Variants in B3GALT1 observed in about 807,000 individuals in gnomAD.
B3GALT1 encodes UDP-Gal:betaGlcNAc beta 1,3-galactosyltransferase, polypeptide 1.
B3GALT1 carries 10 observed loss-of-function variants against 23.2 expected under a neutral mutation model. The ratio of observed to expected loss-of-function variants is 0.43; its 90% CI spans 0.27 to 0.73. The LOEUF (loss-of-function observed/expected upper bound fraction) is 0.73. Among genes scored for constraint, B3GALT1 ranks in the 30% least tolerant of loss-of-function variants. B3GALT1 has a pLI of 0.21. For synonymous variants in B3GALT1, 156 were observed against 141.5 expected (o/e 1.10, Z -0.73); for missense variants, 299 against 405.4 (o/e 0.74, Z 2.25).
chr2:167,844,104 A>G (rs1382378483), intron 4 of B3GALT1, among the ~76,000 whole-genome samples: 1 of 152,230 alleles, frequency 6.6e-6, no homozygotes, highest in Non-Finnish European at 1.5e-5. Flanking sequence ...TTGAAAATGA[A>G]TGGCACAAGA....
intron 1 of B3GALT1, among the ~76,000 whole-genome samples, chr2:167,343,736 T>C (rs549162641): frequency 2.6e-5 from 4 of 152,280 alleles, no homozygotes; most frequent in South Asian, 2.1e-4. Flanking sequence ...AAAAAAGATA[T>C]AGATTATGAG....
chr2:167,849,741 T>C (rs986558879), intron 4 of B3GALT1, among the ~76,000 whole-genome samples: 1 of 151,548 alleles, frequency 6.6e-6, no homozygotes, highest in Non-Finnish European at 1.5e-5. Flanking sequence ...ACAAAAAAAA[T>C]TAGCCAGGTG....
intron 4 of B3GALT1, among the ~76,000 whole-genome samples, chr2:167,835,751 T>A (rs1346932707): frequency 1.3e-5 from 2 of 152,298 alleles, no homozygotes; most frequent in African/African-American, 4.8e-5. Flanking sequence ...CCCTGACCCC[T>A]GAGCAGCCTA....
intron 2 of B3GALT1, among the ~76,000 whole-genome samples, chr2:167,626,013 A>G (rs1390101092): frequency 1.4e-5 from 2 of 146,080 alleles, no homozygotes; most frequent in African/African-American, 5.1e-5. Flanking sequence ...ATATTTGCTG[A>G]AAACTCCAAA....
chr2:167,437,664 G>C (rs998692733), intron 1 of B3GALT1, among the ~76,000 whole-genome samples: 1 of 152,138 alleles, frequency 6.6e-6, no homozygotes, highest in Non-Finnish European at 1.5e-5. Flanking sequence ...TGTTCAAACA[G>C]CTTATGGCTT....
chr2:167,738,547 G>A (rs562695045), intron 3 of B3GALT1, among the ~76,000 whole-genome samples: 5 of 152,230 alleles, frequency 3.3e-5, no homozygotes, highest in Admixed American at 6.5e-5. Flanking sequence ...CACCACAATG[G>A]AGTTCTTATG....
chr2:167,617,117 A>G (rs571878930), intron 2 of B3GALT1, among the ~76,000 whole-genome samples: 11 of 152,194 alleles, frequency 7.2e-5, no homozygotes, highest in African/African-American at 2.6e-4. Flanking sequence ...TTGTTTTCCT[A>G]TGTCCCACCC....
intron 1 of B3GALT1, among the ~76,000 whole-genome samples, chr2:167,427,331 T>G (rs1698638110): frequency 6.6e-6 from 1 of 152,152 alleles, no homozygotes; most frequent in Non-Finnish European, 1.5e-5. Context: ...GATTTAGCTT[T>G]TTTGTGTGTG....
intron 2 of B3GALT1, among the ~76,000 whole-genome samples, chr2:167,563,409 G>T (rs1267179033): frequency 7.5e-6 from 1 of 133,244 alleles, no homozygotes; most frequent in East Asian, 2.5e-4. Context: ...CGGGCGGGGG[G>T]CTGACCCCTC....
chr2:167,811,495 G>A (rs1688888013), intron 3 of B3GALT1, among the ~76,000 whole-genome samples: 3 of 152,190 alleles, frequency 2.0e-5, no homozygotes, highest in Admixed American at 6.5e-5. Flanking sequence ...CCTATGGTGA[G>A]AAAAGAACTT....
intron 1 of B3GALT1, among the ~76,000 whole-genome samples, chr2:167,340,504 G>A (rs1697130986): frequency 6.6e-6 from 1 of 152,018 alleles, no homozygotes; most frequent in South Asian, 2.1e-4. Context: ...TTAAATTTTT[G>A]CAGTCCTTTA....
At chr2:167,353,928 GTTTA>G (rs1398233223) in intron 1 of B3GALT1, among the ~76,000 whole-genome samples, 4 of 152,032 alleles carry the variant, frequency 2.6e-5, no homozygotes, top group East Asian at 1.9e-4. Flanking sequence ...TATAAATATG[GTTTA>G]TTTATGATCA....
intron 2 of B3GALT1, among the ~76,000 whole-genome samples, chr2:167,592,186 A>G (rs927730862): frequency 5.3e-5 from 8 of 152,198 alleles, no homozygotes; most frequent in Admixed American, 3.3e-4. Context: ...TCTGGAATTC[A>G]AAGTGGAGAT....
chr2:167,564,921 G>T (rs1188551110), intron 2 of B3GALT1, among the ~76,000 whole-genome samples: 1 of 152,106 alleles, frequency 6.6e-6, no homozygotes, highest in Non-Finnish European at 1.5e-5. Flanking sequence ...CATGAAAATG[G>T]CCATACTGCC....
intron 2 of B3GALT1, among the ~76,000 whole-genome samples, chr2:167,618,275 T>C (rs1021428884): frequency 3.3e-5 from 5 of 152,084 alleles, no homozygotes; most frequent in African/African-American, 1.2e-4. Flanking sequence ...AGAATATTTG[T>C]TAAACTTTTT....
intron 1 of B3GALT1, among the ~76,000 whole-genome samples, chr2:167,404,801 T>C (rs1486332669): frequency 6.6e-6 from 1 of 152,164 alleles, no homozygotes; most frequent in East Asian, 1.9e-4. Flanking sequence ...AATGAATGCC[T>C]CCTGGCACTC....
At chr2:167,791,303 A>C (rs1688434936) in intron 3 of B3GALT1, among the ~76,000 whole-genome samples, 1 of 152,134 alleles carries the variant, frequency 6.6e-6, no homozygotes, top group Non-Finnish European at 1.5e-5. Context: ...TGTCATACAA[A>C]CTACTTTCGC....
intron 3 of B3GALT1, among the ~76,000 whole-genome samples, chr2:167,684,490 C>A (rs1250393408): frequency 5.3e-5 from 8 of 152,132 alleles, no homozygotes; most frequent in Non-Finnish European, 1.2e-4. Context: ...GATCATTATG[C>A]CTTTCTGGTC....
chr2:167,822,272 T>G (rs550228131), intron 4 of B3GALT1, among the ~76,000 whole-genome samples: 9 of 151,740 alleles, frequency 5.9e-5, no homozygotes, highest in Admixed American at 3.3e-4. Flanking sequence ...CTATTACATA[T>G]TGATTTATTA....
Sources: allele counts gnomAD v4.1 joint callset (sites outside exome capture counted in the v4.1 genomes callset), GRCh38; gene constraint gnomAD v4.1.1; transcripts MANE v1.5; gene names NCBI Gene and HGNC (gene_info 2026-07-23, HGNC 2026-07-21).